The following ABCB7 variants were observed in gnomAD, a reference collection of about 807,000 sequenced individuals.
ABCB7 encodes ATP binding cassette subfamily B member 7.
In ABCB7, 7 loss-of-function variants were observed where a neutral mutation model predicts 54.4. The ratio of observed to expected loss-of-function variants is 0.13; its 90% CI spans 0.07 to 0.24. The LOEUF is 0.24. Ranked by LOEUF, ABCB7 falls within the 10% of genes least tolerant of loss-of-function variation. The pLI is 1.00. For missense variants in ABCB7, 356 were observed against 570.4 expected (o/e 0.62, Z 3.83); for synonymous variants, 218 against 207.1 (o/e 1.05, Z -0.45).
chrX:75,135,373 ACAGC>A (rs905482001), intron 1 of ABCB7, among the ~76,000 whole-genome samples: 3 of 111,386 alleles, frequency 2.7e-5, no homozygotes, highest in Non-Finnish European at 5.7e-5. Context: ...AGACAGATTC[ACAGC>A]CAAATTCTAC....
At chrX:75,109,049 C>G (rs948346866) in intron 3 of ABCB7, among the ~76,000 whole-genome samples, 2 of 111,339 alleles carry the variant, frequency 1.8e-5, no homozygotes, top group Non-Finnish European at 3.8e-5. Flanking sequence ...TATGGTGGGT[C>G]AAAAACAAAT....
chrX:75,096,029 C>G (rs1383966047), intron 4 of ABCB7, among the ~76,000 whole-genome samples: 1 of 111,808 alleles, frequency 8.9e-6, no homozygotes, highest in Non-Finnish European at 1.9e-5. Flanking sequence ...AACCTGTTCT[C>G]TTCAATTAAA....
intron 1 of ABCB7, among the ~76,000 whole-genome samples, chrX:75,154,385 A>C (rs2082157294): frequency 1.8e-5 from 2 of 112,353 alleles, no homozygotes; most frequent in Non-Finnish European, 3.8e-5. Context: ...ATTTTATCTA[A>C]GATAACATTT....
At chrX:75,106,302 A>T (rs1380590539) in intron 3 of ABCB7, among the ~76,000 whole-genome samples, 1 of 111,903 alleles carries the variant, frequency 8.9e-6, no homozygotes. Context: ...AGCTAAAGAC[A>T]TGAACAGATA....
intron 4 of ABCB7, among the ~76,000 whole-genome samples, chrX:75,080,113 C>A (rs1441038268): frequency 8.9e-6 from 1 of 111,985 alleles, no homozygotes; most frequent in Non-Finnish European, 1.9e-5. Flanking sequence ...CAACCAGTCA[C>A]CCCGAAGGAC....
intron 4 of ABCB7, among the ~76,000 whole-genome samples, chrX:75,090,407 A>G (rs1020713854): frequency 1.8e-5 from 2 of 111,263 alleles, no homozygotes; most frequent in Admixed American, 1.9e-4. Context: ...TGGGTCAAAG[A>G]CTAAAGAGAA....
intron 4 of ABCB7, among the ~76,000 whole-genome samples, chrX:75,087,998 G>T (rs1212069641): frequency 9.0e-6 from 1 of 111,667 alleles, no homozygotes; most frequent in African/African-American, 3.2e-5. Flanking sequence ...ACATTTAGAG[G>T]GGAAAAGTAG....
chrX:75,135,430 T>C (rs1339538503), intron 1 of ABCB7, among the ~76,000 whole-genome samples: 2 of 111,184 alleles, frequency 1.8e-5, no homozygotes, highest in East Asian at 5.6e-4. Flanking sequence ...ATTCAAACAA[T>C]TCAAAAAATA....
At chrX:75,067,792 G>A (rs1360463575) in intron 12 of ABCB7, among the ~76,000 whole-genome samples, 2 of 110,957 alleles carry the variant, frequency 1.8e-5, no homozygotes, top group Non-Finnish European at 3.8e-5. Flanking sequence ...GCCTAGATTA[G>A]TGTTACTTAA....
intron 1 of ABCB7, among the ~76,000 whole-genome samples, chrX:75,148,808 G>C (rs1035598427): frequency 4.5e-5 from 5 of 111,337 alleles, no homozygotes; most frequent in African/African-American, 1.6e-4. Context: ...TTCCAGAACT[G>C]TGAGAAAATA....
intron 10 of ABCB7, 125 bp from the exon 11 acceptor site, chrX:75,069,579 T>A: frequency 7.2e-6 from 5 of 691,596 alleles, no homozygotes; most frequent in Non-Finnish European, 1.1e-5. Context: ...TAAGTGGACT[T>A]AGACCACTTC....
At chrX:75,127,664 T>C (rs1335805737) in intron 1 of ABCB7, among the ~76,000 whole-genome samples, 1 of 111,912 alleles carries the variant, frequency 8.9e-6, no homozygotes, top group Non-Finnish European at 1.9e-5. Context: ...GAAAACCCCA[T>C]GGTCTCAGCC....
intron 1 of ABCB7, among the ~76,000 whole-genome samples, chrX:75,153,923 C>G (rs1003292815): frequency 2.8e-5 from 3 of 109,090 alleles, no homozygotes; most frequent in Non-Finnish European, 5.7e-5. Flanking sequence ...TTTCATAACA[C>G]TGCTCTAAGG....
At chrX:75,082,623 A>G (rs2081464810) in intron 4 of ABCB7, among the ~76,000 whole-genome samples, 1 of 112,005 alleles carries the variant, frequency 8.9e-6, no homozygotes, top group African/African-American at 3.2e-5. Context: ...ATAGAGCAAT[A>G]AAAAAGATTA....
chrX:75,063,082 T>C (rs1482137809), intron 13 of ABCB7, among the ~76,000 whole-genome samples: 1 of 111,588 alleles, frequency 9.0e-6, no homozygotes, highest in Non-Finnish European at 1.9e-5. Flanking sequence ...TTGCTCAAGG[T>C]CACCGAGCAA....
At chrX:75,081,972 A>C (rs757731084) in intron 4 of ABCB7, among the ~76,000 whole-genome samples, 8 of 111,169 alleles carry the variant, frequency 7.2e-5, no homozygotes, top group Non-Finnish European at 1.3e-4. Flanking sequence ...CTGTAACAAA[A>C]CACTTACCAT....
intron 4 of ABCB7, among the ~76,000 whole-genome samples, chrX:75,095,593 T>C (rs201703365): frequency 8.9e-6 from 1 of 112,752 alleles, no homozygotes; most frequent in Non-Finnish European, 1.9e-5. Context: ...TATTCTATGA[T>C]CTAGTTTCTG....
intron 3 of ABCB7, among the ~76,000 whole-genome samples, chrX:75,105,131 C>T (rs2081681848): frequency 9.0e-6 from 1 of 110,919 alleles, no homozygotes; most frequent in South Asian, 3.8e-4. Context: ...ACAAGGATGC[C>T]TGCTTTCAAC....
intron 1 of ABCB7, among the ~76,000 whole-genome samples, chrX:75,140,028 G>A (rs946558965): frequency 2.5e-4 from 28 of 110,977 alleles, no homozygotes; most frequent in African/African-American, 8.8e-4. Flanking sequence ...AAATTTAAAT[G>A]GAGAAAAATA....
Sources: allele counts gnomAD v4.1 joint callset (sites outside exome capture counted in the v4.1 genomes callset), GRCh38; gene constraint gnomAD v4.1.1; transcripts MANE v1.5; gene names NCBI Gene and HGNC (gene_info 2026-07-23, HGNC 2026-07-21).